Variants in IGSF22 observed in about 807,000 individuals in gnomAD.
IGSF22 encodes immunoglobulin superfamily, member 22.
In IGSF22, 119 loss-of-function variants were observed where a neutral mutation model predicts 127.0. The ratio of observed to expected loss-of-function variants is 0.94; its 90% CI spans 0.81 to 1.09. The LOEUF (loss-of-function observed/expected upper bound fraction) is 1.09. Ranked by LOEUF, IGSF22 falls within the 50% of genes least tolerant of loss-of-function variation. The pLI is 0.00. For synonymous variants in IGSF22, 568 were observed against 664.7 expected (o/e 0.85, Z 2.24); for missense variants, 1,518 against 1,716.6 (o/e 0.88, Z 2.04).
intron 3 of IGSF22, 61 bp from the exon 4 acceptor site, chr11:18,721,732 C>G (rs1848577858): frequency 6.2e-7 from 1 of 1,604,806 alleles, no homozygotes; most frequent in Non-Finnish European, 8.5e-7. Context: ...CTCTGCCACC[C>G]TCTGCCGGCT....
intron 19 of IGSF22, 57 bp from the exon 20 acceptor site, chr11:18,708,053 C>A (rs1848279854): frequency 6.3e-7 from 1 of 1,595,926 alleles, no homozygotes; most frequent in African/African-American, 1.3e-5. Context: ...TGGGGGCAGG[C>A]CTTCCTCCAT....
At position 18,716,356 on chromosome 11, in the gene IGSF22, A is replaced by G. The variant is rs937397037; in HGVS notation, c.1246+372T>C. Among the ~76,000 whole-genome samples, 3 of 152,138 alleles carry G rather than the reference A, an allele frequency of 2.0e-5. No homozygotes were observed. Among genetic ancestry groups the G allele is most frequent in the Admixed American group, 2.0e-4 (3 of 15,282 alleles). ...GTGACATGCTCATTGGTGTACCTAC[A>G]TTATGTGCGAACTCCCAAAGTAGTT... On this transcript the variant is annotated intron_variant, in intron 10 of 22. Transcript: ENST00000513874. The surrounding 1 kb of genome is among the most constrained non-coding windows in gnomAD (Gnocchi z 4.5).
intron 20 of IGSF22, chr11:18,707,513 A>G (rs1848263972): frequency 1.9e-6 from 1 of 524,966 alleles, no homozygotes; most frequent in Non-Finnish European, 3.3e-6. Context: ...AAATGAATCC[A>G]TTCCTTCCTT....
Position 18,717,932 on chromosome 11 carries a change from C to T in IGSF22, c.972G>A (p.Leu324=). The part of the protein sequence containing the change: ...DKRMSAELTV[L]DEPLKFLGEM... ...GCCCTTGCATGCCCCCACTCATACC[C>T]AGCACTGTGAGCTCTGCACTCATCC... Residue 324 remains leucine, a splice_region_variant and synonymous_variant, in exon 9 of 23, where the codon CTG becomes CTA. Transcript: ENST00000513874. 1.2e-6 allele frequency: 2 copies of T among 1,613,500 alleles called. No individual in the cohort carries two copies. The highest frequency in any genetic ancestry group is 1.7e-6 in the Non-Finnish European group (2 of 1,179,552).
At chr11:18,707,696 G>T in intron 20 of IGSF22, 108 bp downstream of exon 20, 2 of 868,262 alleles carry the variant, frequency 2.3e-6, no homozygotes, top group African/African-American at 1.7e-5. Flanking sequence ...AATCTTCATG[G>T]CCCTAAGGCA....
chr11:18,721,388 G>T, intron 4 of IGSF22, 147 bp downstream of exon 4: 1 of 1,062,624 alleles, frequency 9.4e-7, no homozygotes, highest in Non-Finnish European at 1.4e-6. Context: ...ATCCTGCCGC[G>T]CCTCTCGGGC....
intron 8 of IGSF22, among the ~76,000 whole-genome samples, 199 bp from the exon 9 acceptor site, chr11:18,718,292 GC>G (rs1848499793): frequency 1.3e-5 from 2 of 152,174 alleles, no homozygotes; most frequent in Non-Finnish European, 2.9e-5. Flanking sequence ...CTCCTCACAG[GC>G]CCGAGCTCTT....
In IGSF22 at chr11:18,708,052, G is replaced by C. The variant is rs1305170569; in HGVS notation, c.3088-56C>G. On this transcript the variant is annotated intron_variant, in intron 19 of 22. Transcript: ENST00000513874. ...TCACACAGATGATATTTGGGGGCAG[G>C]CCTTCCTCCATTGTCGAGGAGTTTC... is the stretch of plus-strand genomic sequence containing the variant. 3.8e-6 allele frequency: 6 copies of C among 1,596,042 alleles called. No homozygotes were observed. In the African/African-American group the frequency reaches 6.7e-5, roughly 18 times the overall value.
In IGSF22 at chr11:18,721,377, T is replaced by C. The variant is rs530000175; in HGVS notation, c.378+158A>G. Among the ~76,000 whole-genome samples, 4 of 152,288 alleles carry C rather than the reference T, an allele frequency of 2.6e-5. No individual in the cohort carries two copies. The East Asian group carries it at 7.7e-4, about 29-fold the overall frequency. On this transcript the variant is annotated intron_variant, in intron 4 of 22. Transcript: ENST00000513874. ...TCCCGGTTCCTGACTCGGCCTCTCT[T>C]ATCCTGCCGCGCCTCTCGGGCAATG...
rs774073490 is a variant in IGSF22, at chr11:18,715,653, C to T, written c.1310G>A (p.Cys437Tyr). 1.1e-5 allele frequency: 17 copies of T among 1,613,842 alleles called. No homozygotes were observed. In the Admixed American group the frequency reaches 1.8e-4, roughly 17 times the overall value. Residue 437 changes from cysteine (C) to tyrosine (Y), a missense_variant, in exon 11 of 23, where the codon TGC becomes TAC. Around this residue, in one of 3 missense-constraint regions of IGSF22, gnomAD observed 1,456 missense variants for 1,644.9 expected, o/e 0.89. Coordinates refer to ENST00000513874, the MANE Select transcript of IGSF22 (RefSeq NM_173588.4). ...NVRVKERSRA[C>Y]LECELTSKDV... is the part of the protein sequence containing the mutation. Reference sequence around the variant, plus strand: ...CTTGGATGTCAGCTCACACTCCAGGCATGCGCGACTCCTCTCTTTCACACG... The same window carrying T: ...CTTGGATGTCAGCTCACACTCCAGGTATGCGCGACTCCTCTCTTTCACACG...
rs1316711111 is a variant in IGSF22 at position 18,706,034 on chromosome 11, G to A, written c.3693C>T (p.Thr1231=). ...PHTVLRGQDC[T]MTCAFLGNPR... is the part of the protein sequence containing the mutation. ...GGTTCCCAAGGAAGGCGCAGGTCATGGTGCAGTCCTGGCCGCGGAGCACCG... is the reference window on the plus strand; with the variant it reads ...GGTTCCCAAGGAAGGCGCAGGTCATAGTGCAGTCCTGGCCGCGGAGCACCG... Residue 1231 remains threonine (T), a synonymous_variant, in exon 22 of 23, where the codon ACC becomes ACT. Coordinates refer to ENST00000513874, the MANE Select transcript of IGSF22 (RefSeq NM_173588.4). 3.2e-6 allele frequency: 5 copies of A among 1,551,434 alleles called. No individual in the cohort carries two copies. Among genetic ancestry groups the A allele is most frequent in the Non-Finnish European group, 4.4e-6 (5 of 1,146,978 alleles).
At position 18,710,439 on chromosome 11, in the gene IGSF22, C is replaced by CACA. The variant is rs1848331435; in HGVS notation, c.2586_2588dup (p.Val863dup). ...ATTCTGTGTCCTCCAGGAGACCATC[C>CACA]ACAGTGCACTTGGTGCCTGAAATGG... On this transcript the variant is annotated inframe_insertion, in exon 17 of 23. Coordinates refer to ENST00000513874, the MANE Select transcript of IGSF22 (RefSeq NM_173588.4). 6.2e-7 allele frequency: 1 copy of CACA among 1,614,032 alleles called. No homozygotes were observed. Among genetic ancestry groups the CACA allele is most frequent in the South Asian group, 1.1e-5 (1 of 91,074 alleles).
chr11:18,704,833 C>T, intron 22 of IGSF22: 1 of 354,342 alleles, frequency 2.8e-6, no homozygotes, highest in South Asian at 3.0e-5. Context: ...AGTGGCAGAG[C>T]CAGGGCCCTG....
intron 1 of IGSF22, 80 bp from the exon 2 acceptor site, chr11:18,724,349 A>G (rs573985659): frequency 2.8e-6 from 2 of 709,340 alleles, no homozygotes; most frequent in East Asian, 2.5e-5. Context: ...GTGTTCAGAC[A>G]TAAGAGGAGA....
Position 18,710,682 on chromosome 11 carries a change from C to A in IGSF22, c.2545G>T (p.Val849Leu), listed in dbSNP as rs1251348967. The change falls in exon 16 of 23, where the codon GTG (valine) becomes TTG (leucine). Residue 849 changes from valine (V) to leucine (L), a missense_variant. By Grantham distance (32) the Val-to-Leu change is conservative. Coordinates refer to ENST00000513874, the MANE Select transcript of IGSF22 (RefSeq NM_173588.4). Reference protein sequence around the residue: ...ERRKKGSNLWVPVNKDPIQGT... With the variant: ...ERRKKGSNLWLPVNKDPIQGT... ...TGGATGGGGTCCTTGTTGACTGGCACCCACAGGTTGCTGCCTTTCTTCCTT... is the reference window on the plus strand; with the variant it reads ...TGGATGGGGTCCTTGTTGACTGGCAACCACAGGTTGCTGCCTTTCTTCCTT... 7 of 1,613,592 alleles carry A rather than the reference C, an allele frequency of 4.3e-6. No homozygotes were observed. Among genetic ancestry groups the A allele is most frequent in the Non-Finnish European group, 5.9e-6 (7 of 1,179,476 alleles).
chr11:18,705,836 G>A lies in IGSF22; in HGVS notation c.3891C>T (p.Ser1297=). 6.5e-7 allele frequency: 1 copy of A among 1,548,304 alleles called. No individual in the cohort carries two copies. Among genetic ancestry groups the A allele is most frequent in the Non-Finnish European group, 8.7e-7 (1 of 1,145,956 alleles). ...VENELGKDRS[S]CTLTVYDKDD... ...CCTCACCATAGACGGTGAGCGTGCA[G>A]CTGCTGCGGTCCTTGCCCAGCTCGT... Residue 1297 remains serine (S), a synonymous_variant, in exon 22 of 23, where the codon AGC becomes AGT. Coordinates refer to ENST00000513874, the MANE Select transcript of IGSF22 (RefSeq NM_173588.4).
At chr11:18,712,856 C>T (rs1590442702) in intron 14 of IGSF22, among the ~76,000 whole-genome samples, 1 of 152,332 alleles carries the variant, frequency 6.6e-6, no homozygotes, top group Non-Finnish European at 1.5e-5. Flanking sequence ...AATTGAAACT[C>T]AAACTTTCCC....
At chr11:18,721,186 C>G (rs1457847752) in intron 4 of IGSF22, among the ~76,000 whole-genome samples, 4 of 152,212 alleles carry the variant, frequency 2.6e-5, no homozygotes, top group African/African-American at 7.2e-5. Context: ...ATGGTCCCGC[C>G]CTCCATGGCT....
At chr11:18,713,743 G>T in intron 14 of IGSF22, 109 bp downstream of exon 14, 2 of 919,108 alleles carry the variant, frequency 2.2e-6, no homozygotes, top group Non-Finnish European at 3.2e-6. Flanking sequence ...CCCATTCCCA[G>T]CCCAAACTTC....
Sources: allele counts gnomAD v4.1 joint callset (sites outside exome capture counted in the v4.1 genomes callset), GRCh38; gene constraint gnomAD v4.1.1; regional missense constraint gnomAD v4.1.1; non-coding constraint Gnocchi (gnomAD v3.1); transcripts MANE v1.5; gene names NCBI Gene and HGNC (gene_info 2026-07-23, HGNC 2026-07-21).